COPA: variants seen among roughly 807,000 people sequenced by gnomAD.
The protein encoded by COPA is coatomer subunit alpha.
A neutral mutation model predicts 158.7 loss-of-function variants in COPA; 10 were observed. That is an observed-to-expected ratio of 0.06 (90% CI 0.04 to 0.11). COPA has a LOEUF of 0.11. COPA is among the 10% of genes least tolerant of loss of function. COPA has a pLI of 1.00. For missense variants in COPA, 1,065 were observed against 1,536.7 expected, an observed-to-expected ratio of 0.69 and a Z score of 5.13; for synonymous variants, 462 against 542.8, an observed-to-expected ratio of 0.85 and a Z score of 2.07.
intron 8 of COPA, among the ~76,000 whole-genome samples, chr1:160,321,720 G>T (rs1659334614): frequency 6.6e-6 from 1 of 152,124 alleles, no homozygotes; most frequent in South Asian, 2.1e-4. Context: ...CCTGGGAGGG[G>T]GAGGTTTCAG....
rs1647959717 is a variant in COPA, at chr1:160,339,998, G to C, written c.155-16C>G. ...CGCACTGGACCTGGTGGAGAAGGCA[G>C]GCAATGTATGTTAGACAGAGCTATC... On this transcript the variant is annotated splice_polypyrimidine_tract_variant and intron_variant, in intron 2 of 32. Transcript: ENST00000241704. The C allele has an allele frequency of 6.2e-7, 1 of 1,613,456 alleles. No individual in the cohort carries two copies. The highest frequency in any genetic ancestry group is 1.3e-5 in the African/African-American group (1 of 74,916).
chr1:160,304,073 G>A (rs958617960), intron 17 of COPA, among the ~76,000 whole-genome samples: 1 of 151,794 alleles, frequency 6.6e-6, no homozygotes, highest in African/African-American at 2.4e-5. Flanking sequence ...GGAGTGCAAT[G>A]GTACGACCAT....
chr1:160,311,038 T>C (rs575527808), intron 11 of COPA, among the ~76,000 whole-genome samples: 2 of 152,344 alleles, frequency 1.3e-5, no homozygotes, highest in African/African-American at 4.8e-5. Context: ...ACTATCATTC[T>C]ACTCATGACC....
intron 6 of COPA, among the ~76,000 whole-genome samples, chr1:160,327,776 T>C (rs1472565074): frequency 6.6e-6 from 1 of 151,830 alleles, no homozygotes; most frequent in African/African-American, 2.4e-5. Flanking sequence ...GAGAATCACT[T>C]GAACCCGGGA....
Position 160,333,604 on chromosome 1 carries a change from A to G in COPA, c.385T>C (p.Cys129Arg), listed in dbSNP as rs1647631957. ...CGAGCCCTCTGCCTCCTGCTTTACC[A>G]AACACAGGTTCTAGATTGCCAGTTC... ...VWNWQSRTCV[C>R]VLTGHNHYVM... The change falls in exon 5 of 33, where the codon TGT becomes CGT. Residue 129 changes from cysteine to arginine, a missense_variant and splice_region_variant. This residue lies in a region of COPA where 85 missense variants were observed against 178.9 expected (regional missense o/e 0.48). Coordinates refer to ENST00000241704, the MANE Select transcript of COPA (RefSeq NM_004371.4). 6.2e-7 allele frequency: 1 copy of G among 1,611,340 alleles called. No homozygotes were observed. The highest frequency in any genetic ancestry group is 8.5e-7 in the Non-Finnish European group (1 of 1,178,028).
rs1204298316 is a variant in COPA, at chr1:160,294,558, C to T, written c.2602G>A (p.Asp868Asn). The part of the protein sequence containing the change: ...FVEATEGLGD[D>N]ALGKGQEEGG... ...TCTTCCTGTCCCTTGCCAAGAGCAT[C>T]ATCCCCCAAACCTTCTGTAGCCTCC... is the stretch of plus-strand genomic sequence containing the variant. The change falls in exon 25 of 33, where the codon GAT (aspartate) becomes AAT (asparagine). Residue 868 changes from aspartate (D) to asparagine (N), a missense_variant. Coordinates refer to ENST00000241704, the MANE Select transcript of COPA (RefSeq NM_004371.4). 1.2e-6 allele frequency: 2 copies of T among 1,614,092 alleles called. No individual in the cohort carries two copies. Among genetic ancestry groups the T allele is most frequent in the African/African-American group, 1.3e-5 (1 of 74,932 alleles).
chr1:160,305,474 G>A lies in COPA; in HGVS notation c.1626C>T (p.Ile542=), dbSNP rs369979999. Residue 542 remains isoleucine (I), a synonymous_variant, in exon 17 of 33, where the codon ATC becomes ATT. Coordinates refer to ENST00000241704, the MANE Select transcript of COPA (RefSeq NM_004371.4). ...ATTTGATGTGGTTGCTTGTGGTATA[G>A]ATAAATACCCCACTCTCATCCCAGG... ...SGAWDESGVF[I]YTTSNHIKYA... is the part of the protein sequence containing the mutation. 1 of 1,614,134 alleles carries A rather than the reference G, an allele frequency of 6.2e-7. No individual in the cohort carries two copies. The highest frequency in any genetic ancestry group is 8.5e-7 in the Non-Finnish European group (1 of 1,179,996).
intron 6 of COPA, among the ~76,000 whole-genome samples, chr1:160,330,115 C>A (rs1647435861): frequency 6.6e-6 from 1 of 151,846 alleles, no homozygotes; most frequent in Non-Finnish European, 1.5e-5. Flanking sequence ...TCTGTCCCCA[C>A]CGCCACCCCC....
chr1:160,314,534 G>T (rs957812543), intron 8 of COPA, among the ~76,000 whole-genome samples: 5 of 152,184 alleles, frequency 3.3e-5, no homozygotes, highest in Admixed American at 6.5e-5. Context: ...AGGAGGCTGA[G>T]GGGGAGGATC....
chr1:160,300,050 A>C (rs916280359), intron 17 of COPA, among the ~76,000 whole-genome samples: 24 of 152,152 alleles, frequency 1.6e-4, no homozygotes, highest in African/African-American at 5.8e-4. Context: ...TTTTAAGAGA[A>C]TCAAACTGGC....
intron 6 of COPA, among the ~76,000 whole-genome samples, chr1:160,329,028 A>T (rs1647384881): frequency 6.6e-6 from 1 of 152,254 alleles, no homozygotes; most frequent in Non-Finnish European, 1.5e-5. Flanking sequence ...CAGAAATATA[A>T]GCACTGGTCT....
chr1:160,335,976 CA>C (rs1005687448), intron 3 of COPA, among the ~76,000 whole-genome samples: 1 of 150,800 alleles, frequency 6.6e-6, no homozygotes, highest in African/African-American at 2.4e-5. Context: ...GCTTGATTTG[CA>C]ACTCTTTTTT....
At position 160,341,817 on chromosome 1, in the gene COPA, T is replaced by C. The variant is rs1298253674; in HGVS notation, c.40+1314A>G. On this transcript the variant is annotated intron_variant, in intron 1 of 32. Transcript: ENST00000241704. ...ATTGTCTATTTTTCCATTAGGTTCT[T>C]TTTTTTAATTATGATATATAAGTAC... 3.3e-5 allele frequency among the ~76,000 whole-genome samples: 5 copies of C among 152,304 alleles called. No individual in the cohort carries two copies. In the South Asian group the frequency reaches 1.0e-3, roughly 32 times the overall value.
chr1:160,298,742 T>A, intron 19 of COPA, 103 bp downstream of exon 19: 1 of 1,424,330 alleles, frequency 7.0e-7, no homozygotes, highest in African/African-American at 1.4e-5. Context: ...CCAAATTTCA[T>A]TATTCTGGCT....
Position 160,294,585 on chromosome 1 carries a change from C to T in COPA, c.2575G>A (p.Val859Met), listed in dbSNP as rs540161688. 1.2e-6 allele frequency: 2 copies of T among 1,614,192 alleles called. No individual in the cohort carries two copies. Among genetic ancestry groups the T allele is most frequent in the South Asian group, 2.2e-5 (2 of 91,078 alleles). The change falls in exon 25 of 33, where the codon GTG (valine) becomes ATG (methionine). Residue 859 changes from valine (V) to methionine (M), a missense_variant. Around this residue, in one of 2 missense-constraint regions of COPA, gnomAD observed 980 missense variants for 1,357.8 expected, o/e 0.72. Coordinates refer to ENST00000241704, the MANE Select transcript of COPA (RefSeq NM_004371.4). ...TCCCCCAAACCTTCTGTAGCCTCCA[C>T]AAACCCATCTGTAAGGAAAATTCAA... ...AELQLDEDGFVEATEGLGDDA... is the reference protein window; with the variant it reads ...AELQLDEDGFMEATEGLGDDA...
rs2101863080 is a variant in COPA, at chr1:160,325,552, A to G, written c.597T>C (p.His199=). The G allele has an allele frequency of 2.5e-6, 4 of 1,613,928 alleles. No individual in the cohort carries two copies. The highest frequency in any genetic ancestry group is 1.1e-5 in the South Asian group (1 of 91,086). Residue 199 remains histidine, a synonymous_variant, in exon 7 of 33, where the codon CAT becomes CAC. Coordinates refer to ENST00000241704, the MANE Select transcript of COPA (RefSeq NM_004371.4). ...CTATAAAGATAAGTACCTCTAGTAC[A>G]TGCTTCACCACTGCATCTGTAGTTC... The part of the protein sequence containing the change: ...LFGTTDAVVK[H]VLEGHDRGVN...
At chr1:160,293,356 C>A (rs1363035435) in intron 26 of COPA, 30 bp downstream of exon 26, 1 of 1,612,990 alleles carries the variant, frequency 6.2e-7, no homozygotes, top group Admixed American at 1.7e-5. Context: ...AGCCACTCAT[C>A]CCTGCCGTGC....
At chr1:160,339,114 T>TTTCTCCTTATTGGCCCTTAG (rs1647917095) in intron 3 of COPA, among the ~76,000 whole-genome samples, 1 of 143,694 alleles carries the variant, frequency 7.0e-6, no homozygotes, top group Admixed American at 6.7e-5. Context: ...AGCTCATTTA[T>TTTCTCCTTATTGGCCCTTAG]TTCTCCTTAT....
In COPA at chr1:160,292,599, C is replaced by T. The variant is rs1274215639; in HGVS notation, c.2845G>A (p.Val949Ile). 1 of 1,609,004 alleles carries T rather than the reference C, an allele frequency of 6.2e-7. No individual in the cohort carries two copies. The highest frequency in any genetic ancestry group is 8.5e-7 in the Non-Finnish European group (1 of 1,178,304). The change falls in exon 28 of 33, where the codon GTA (valine) becomes ATA (isoleucine). Residue 949 changes from valine (V) to isoleucine (I), a missense_variant. Physicochemically the swap from Val to Ile is conservative, Grantham distance 29. Around this residue, in one of 2 missense-constraint regions of COPA, gnomAD observed 980 missense variants for 1,357.8 expected, o/e 0.72. Coordinates refer to ENST00000241704, the MANE Select transcript of COPA (RefSeq NM_004371.4). ...TGCTTGTAGGGGCCAAACTGGATTA[C>T]CCCTACTTGGTCATGAAGGAGCTGG... ...AMRLLHDQVGVIQFGPYKQLF... is the reference protein window; with the variant it reads ...AMRLLHDQVGIIQFGPYKQLF...
Sources: allele counts gnomAD v4.1 joint callset (sites outside exome capture counted in the v4.1 genomes callset), GRCh38; gene constraint gnomAD v4.1.1; regional missense constraint gnomAD v4.1.1; transcripts MANE v1.5; gene names NCBI Gene and HGNC (gene_info 2026-07-23, HGNC 2026-07-21).